HNF4A: variants seen among roughly 807,000 people sequenced by gnomAD.
HNF4A encodes the protein hepatocyte nuclear factor 4 alpha.
A neutral mutation model predicts 52.4 loss-of-function variants in HNF4A; 15 were observed. The ratio of observed to expected loss-of-function variants is 0.29; its 90% CI spans 0.19 to 0.44. The LOEUF is 0.44. Among genes scored for constraint, HNF4A ranks in the 20% least tolerant of loss-of-function variants. The probability of loss-of-function intolerance (pLI) is 1.00; values close to 1 mark genes in which losing one functional copy is unlikely to be tolerated. For missense variants in HNF4A, 479 were observed against 647.2 expected (o/e 0.74, Z 2.82); for synonymous variants, 280 against 264.4 (o/e 1.06, Z -0.57).
intron 5 of HNF4A, among the ~76,000 whole-genome samples, chr20:44,415,777 C>T (rs1051268129): frequency 3.3e-5 from 5 of 152,170 alleles, no homozygotes; most frequent in African/African-American, 4.8e-5. Flanking sequence ...ACTGTGAAAA[C>T]GCTGGTTTGG....
Position 44,430,012 on chromosome 20 carries a change from C to T in HNF4A, c.*347C>T. ...GATGACTTGAGGCCTTACTTAAACC[C>T]AGCTCCCTTCTTCCCTAGCCTGGTG... On this transcript the variant is annotated 3_prime_UTR_variant, in exon 10 of 10. Coordinates refer to ENST00000316099, the MANE Select transcript of HNF4A (RefSeq NM_000457.6). 1 of 290,066 alleles carries T rather than the reference C, an allele frequency of 3.4e-6. No homozygotes were observed. The highest frequency in any genetic ancestry group is 8.3e-5 in the East Asian group (1 of 12,120). 18.0% of individuals were successfully genotyped at this position (290,066 alleles called of 1,614,324 possible).
intron 1 of HNF4A, chr20:44,372,597 C>A (rs1436096408): frequency 6.6e-6 from 1 of 152,248 alleles, no homozygotes; most frequent in African/African-American, 2.4e-5. Flanking sequence ...ATCCATTCTT[C>A]TGTCTCCAGC....
chr20:44,398,638 T>C (rs2063374851), upstream of HNF4A, among the ~76,000 whole-genome samples: 2 of 152,242 alleles, frequency 1.3e-5, no homozygotes, highest in South Asian at 4.1e-4. Flanking sequence ...TGGTGGGATG[T>C]GAATCTAGAA....
intron 8 of HNF4A, 71 bp downstream of exon 8, chr20:44,424,325 C>G (rs2063789482): frequency 1.3e-6 from 2 of 1,590,312 alleles, no homozygotes; most frequent in African/African-American, 2.7e-5. Flanking sequence ...ACACAGTGAG[C>G]TCACCCCTCA....
rs1464570879 is a variant in HNF4A at position 44,431,931 on chromosome 20, A to T, written c.*2266A>T. ...AGCCAAGCCCCCAATCCCAGCGGAG[A>T]CTGTGCCCTGCTCAGAGCTCCCAAG... On this transcript the variant is annotated 3_prime_UTR_variant, in exon 10 of 10. Coordinates refer to ENST00000316099, the MANE Select transcript of HNF4A (RefSeq NM_000457.6). The T allele has an allele frequency of 1.3e-5, 2 of 152,254 alleles. No individual in the cohort carries two copies. The highest frequency in any genetic ancestry group is 6.6e-5 in the Admixed American group (1 of 15,258). 9.4% of individuals were successfully genotyped at this position (152,254 alleles called of 1,614,324 possible). A position where few individuals can be genotyped will look rare whatever the true frequency, so the allele number is the denominator to read the frequency against.
At chr20:44,393,392 T>C (rs984710462) in intron 1 of HNF4A, among the ~76,000 whole-genome samples, 5 of 152,154 alleles carry the variant, frequency 3.3e-5, no homozygotes, top group Non-Finnish European at 1.5e-5. Context: ...CTGCCCTACC[T>C]CCGGAGCCTT....
At chr20:44,394,269 G>A (rs1428487971) in intron 1 of HNF4A, among the ~76,000 whole-genome samples, 1 of 152,082 alleles carries the variant, frequency 6.6e-6, no homozygotes, top group Admixed American at 6.6e-5. Flanking sequence ...TTCCCATGCT[G>A]GCTGGAGCCC....
At position 44,383,883 on chromosome 20, in the gene HNF4A, T is replaced by C. The variant is rs1172815978; in HGVS notation, c.50-22175T>C. 4.3e-5 allele frequency among the ~76,000 whole-genome samples: 6 copies of C among 140,218 alleles called. No homozygotes were observed. In the East Asian group the frequency reaches 1.1e-3, roughly 25 times the overall value. The allele number at this position is 140,218 out of a possible 152,430, so 92.0% of individuals were successfully genotyped here. The stretch of plus-strand genomic sequence containing the variant: ...TTTTTTTTTTAAGACGGAGTTTCAC[T>C]CTTGTTGCCCAGGCTGGAGTGCAAT... On this transcript the variant is annotated intron_variant, in intron 1 of 9. Transcript: ENST00000316673.
intron 1 of HNF4A, among the ~76,000 whole-genome samples, chr20:44,375,516 G>T (rs1175739919): frequency 6.6e-6 from 1 of 151,538 alleles, no homozygotes; most frequent in Non-Finnish European, 1.5e-5. Context: ...TTGAGACAGG[G>T]TCTTGCTCTG....
chr20:44,375,582 G>A (rs1175150153), intron 1 of HNF4A, among the ~76,000 whole-genome samples: 3 of 151,674 alleles, frequency 2.0e-5, no homozygotes, highest in African/African-American at 7.3e-5. Flanking sequence ...AAGGTGATTC[G>A]GCCAAAGTCA....
intron 1 of HNF4A, among the ~76,000 whole-genome samples, chr20:44,360,483 TG>T (rs1193630955): frequency 6.6e-6 from 1 of 151,934 alleles, no homozygotes; most frequent in African/African-American, 2.4e-5. Flanking sequence ...GATAAATGGA[TG>T]AATAAGTAGC....
At chr20:44,424,486 G>A in intron 8 of HNF4A, 2 of 985,562 alleles carry the variant, frequency 2.0e-6, no homozygotes, top group Admixed American at 2.0e-5. Flanking sequence ...CTAAGTGCTG[G>A]CAATTCAGCA....
At chr20:44,429,382 A>C (rs974185608) in intron 9 of HNF4A, 141 bp from the exon 10 acceptor site, 10 of 890,326 alleles carry the variant, frequency 1.1e-5, no homozygotes, top group Non-Finnish European at 1.6e-5. Context: ...ATCTGGTTTA[A>C]TTAATTCTCT....
chr20:44,362,529 G>A lies in HNF4A; in HGVS notation c.49+6676G>A, dbSNP rs567011908. ...AGCATAAGGATGGGTCAATGATAAC[G>A]AAAGGAATTTGTTTTCATTTAAGCC... On this transcript the variant is annotated intron_variant, in intron 1 of 9. Transcript: ENST00000316673. Among the ~76,000 whole-genome samples, 6 of 151,144 alleles carry A rather than the reference G, an allele frequency of 4.0e-5. No homozygotes were observed. The East Asian group carries it at 9.8e-4, about 25-fold the overall frequency.
intron 1 of HNF4A, among the ~76,000 whole-genome samples, chr20:44,380,041 A>C (rs2063136134): frequency 6.6e-6 from 1 of 151,746 alleles, no homozygotes; most frequent in Non-Finnish European, 1.5e-5. Context: ...CCACACCCAG[A>C]TAATTTTTAT....
intron 9 of HNF4A, 66 bp from the exon 10 acceptor site, chr20:44,429,457 C>T (rs576897888): frequency 1.2e-6 from 2 of 1,600,880 alleles, no homozygotes; most frequent in Non-Finnish European, 1.7e-6. Flanking sequence ...TTTCCCGGGC[C>T]TCTTCATTTA....
intron 1 of HNF4A, among the ~76,000 whole-genome samples, chr20:44,391,035 C>T (rs2063296234): frequency 6.6e-6 from 1 of 152,142 alleles, no homozygotes; most frequent in South Asian, 2.1e-4. Context: ...GTCAAGAATC[C>T]AGAGGGAACC....
chr20:44,428,287 G>T (rs1297954677), intron 8 of HNF4A, 48 bp from the exon 9 acceptor site: 3 of 1,605,960 alleles, frequency 1.9e-6, no homozygotes, highest in Middle Eastern at 1.9e-4. Context: ...CAAGGCCTGA[G>T]GTCTGCATCC....
At chr20:44,362,281 G>A (rs997697434) in intron 1 of HNF4A, among the ~76,000 whole-genome samples, 8 of 151,934 alleles carry the variant, frequency 5.3e-5, no homozygotes, top group African/African-American at 1.4e-4. Context: ...TTAGCTGGAC[G>A]TGGTGCCAGG....
Sources: allele counts gnomAD v4.1 joint callset (sites outside exome capture counted in the v4.1 genomes callset), GRCh38; gene constraint gnomAD v4.1.1; transcripts MANE v1.5; gene names NCBI Gene and HGNC (gene_info 2026-07-23, HGNC 2026-07-21).